The following CDC23 variants were observed in gnomAD, a reference collection of about 807,000 sequenced individuals.
CDC23 encodes cell division cycle protein 23 homolog.
Under a neutral mutation model 81.7 loss-of-function variants are expected in CDC23, and 26 were observed. That is an observed-to-expected ratio of 0.32 (90% confidence interval 0.23 to 0.44). The LOEUF (loss-of-function observed/expected upper bound fraction) is 0.44, where lower values mean the gene tolerates loss of function less well. Ranked by LOEUF, CDC23 falls within the 20% of genes least tolerant of loss-of-function variation. CDC23 has a pLI of 1.00. For synonymous variants in CDC23, 267 were observed against 270.8 expected, an observed-to-expected ratio of 0.99 and a Z score of 0.14; for missense variants, 519 against 728.0, an observed-to-expected ratio of 0.71 and a Z score of 3.30.
At chr5:138,207,842 A>G (rs1755069810) in intron 2 of CDC23, among the ~76,000 whole-genome samples, 1 of 151,968 alleles carries the variant, frequency 6.6e-6, no homozygotes, top group Non-Finnish European at 1.5e-5. Flanking sequence ...CGGGGGTCCC[A>G]GCTACTCGGG....
intron 13 of CDC23, 100 bp downstream of exon 13, chr5:138,191,374 T>C: frequency 1.0e-6 from 1 of 965,720 alleles, no homozygotes; most frequent in Non-Finnish European, 1.7e-6. Flanking sequence ...CCTACACCTA[T>C]GTAGAATGAT....
At chr5:138,206,729 C>G in intron 2 of CDC23, 45 bp from the exon 3 acceptor site, 2 of 1,534,946 alleles carry the variant, frequency 1.3e-6, no homozygotes, top group Non-Finnish European at 1.8e-6. Flanking sequence ...AATAGGACAA[C>G]AAAACTTCAA....
chr5:138,195,747 G>GTA lies in CDC23; in HGVS notation c.1012+2450_1012+2451dup, dbSNP rs1172871661. Among the ~76,000 whole-genome samples the GTA allele has an allele frequency of 7.6e-3, 810 of 106,758 alleles. 3 individuals carry two copies. Among genetic ancestry groups the GTA allele is most frequent in the Non-Finnish European group, 0.012 (650 of 55,308 alleles). The allele number at this position is 106,758 out of a possible 152,430, so 70.0% of individuals were successfully genotyped here. A position where few individuals can be genotyped will look rare whatever the true frequency, so the allele number is the denominator to read the frequency against. On this transcript the variant is annotated intron_variant, in intron 9 of 15. Transcript: ENST00000394886. ...GTATATATATACATATAATATATAT[G>GTA]TATATATATACATATATTATATATG...
intron 3 of CDC23, among the ~76,000 whole-genome samples, chr5:138,203,202 G>A (rs950351224): frequency 6.6e-6 from 1 of 152,174 alleles, no homozygotes; most frequent in African/African-American, 2.4e-5. Flanking sequence ...AAAGGGAAAA[G>A]AAGTCAAACC....
At chr5:138,199,337 C>T (rs570681457) in intron 6 of CDC23, among the ~76,000 whole-genome samples, 18 of 152,248 alleles carry the variant, frequency 1.2e-4, no homozygotes, top group Non-Finnish European at 1.8e-4. Flanking sequence ...ATGGCTCAAG[C>T]CTGCAACCCC....
intron 9 of CDC23, among the ~76,000 whole-genome samples, chr5:138,195,715 T>C (rs987904968): frequency 1.6e-5 from 1 of 64,066 alleles, no homozygotes; most frequent in Non-Finnish European, 3.3e-5. Context: ...ATACATATAA[T>C]ATATATGTAT....
intron 2 of CDC23, among the ~76,000 whole-genome samples, chr5:138,211,408 T>C (rs1755112021): frequency 6.6e-6 from 1 of 152,038 alleles, no homozygotes; most frequent in Admixed American, 6.6e-5. Context: ...TCTGGCCAGG[T>C]CCCAGCACTT....
intron 2 of CDC23, among the ~76,000 whole-genome samples, chr5:138,208,765 A>C (rs994178552): frequency 2.0e-5 from 3 of 152,164 alleles, no homozygotes; most frequent in Non-Finnish European, 1.5e-5. Flanking sequence ...ATTACATGTA[A>C]TTTAGAGGCA....
intron 9 of CDC23, among the ~76,000 whole-genome samples, chr5:138,195,622 A>T (rs1490466833): frequency 1.7e-5 from 2 of 117,428 alleles, no homozygotes; most frequent in African/African-American, 3.3e-5. Flanking sequence ...TTTATATATA[A>T]ATATAAATAT....
chr5:138,206,878 C>CTTTTT (rs905919467), intron 2 of CDC23, among the ~76,000 whole-genome samples, 194 bp from the exon 3 acceptor site: 1 of 131,040 alleles, frequency 7.6e-6, no homozygotes. Context: ...CCATAGAACT[C>CTTTTT]TTTTTTTTTT....
rs531929508 is a variant in CDC23, at chr5:138,205,120, G to A, written c.372+1427C>T. On this transcript the variant is annotated intron_variant, in intron 3 of 15. Transcript: ENST00000394886. Reference sequence around the variant, plus strand: ...TGTAGAGACGGGGTTTCACCATGCCGCCCGGGCTTCCTTTTATATTTTATA... The same window carrying A: ...TGTAGAGACGGGGTTTCACCATGCCACCCGGGCTTCCTTTTATATTTTATA... Among the ~76,000 whole-genome samples, 10 of 152,070 alleles carry A rather than the reference G, an allele frequency of 6.6e-5. No individual in the cohort carries two copies. In the South Asian group the frequency reaches 1.5e-3, roughly 22 times the overall value.
At chr5:138,211,566 G>C (rs1755113639) in intron 2 of CDC23, among the ~76,000 whole-genome samples, 1 of 152,036 alleles carries the variant, frequency 6.6e-6, no homozygotes, top group South Asian at 2.1e-4. Flanking sequence ...GGGAGGTTGA[G>C]GCAGGAGAAT....
chr5:138,201,144 C>A lies in CDC23; in HGVS notation c.617G>T (p.Trp206Leu). ...THVLPLHWGAWLELCNLITDK... is the reference protein window; with the variant it reads ...THVLPLHWGALLELCNLITDK... Reference sequence around the variant, plus strand: ...TGTGATCAGGTTACAGAGTTCTAACCAGGCTCCCCAATGCAAGGGCAAAAC... The same window carrying A: ...TGTGATCAGGTTACAGAGTTCTAACAAGGCTCCCCAATGCAAGGGCAAAAC... The change falls in exon 6 of 16, where the codon TGG becomes TTG. Residue 206 changes from tryptophan (W) to leucine (L), a missense_variant. By Grantham distance (61) the Trp-to-Leu change is moderately conservative (BLOSUM62 -2). Coordinates refer to ENST00000394886, the MANE Select transcript of CDC23 (RefSeq NM_004661.4). 6.2e-7 allele frequency: 1 copy of A among 1,614,148 alleles called. No homozygotes were observed.
chr5:138,209,245 G>A (rs1755086362), intron 2 of CDC23, among the ~76,000 whole-genome samples: 1 of 151,570 alleles, frequency 6.6e-6, no homozygotes, highest in African/African-American at 2.4e-5. Context: ...TAGCCAACAT[G>A]GTGAAACCCC....
chr5:138,204,590 A>C (rs145230854), intron 3 of CDC23, among the ~76,000 whole-genome samples: 1 of 151,832 alleles, frequency 6.6e-6, no homozygotes, highest in African/African-American at 2.4e-5. Flanking sequence ...TTCAAATAAA[A>C]GGTTAAAAAG....
At position 138,188,932 on chromosome 5, in the gene CDC23, C is replaced by A. The variant is rs1278679019; in HGVS notation, c.*46G>T. ...TGCTGTTCTTTACATGGAGGTAAGGCTTAATTAAGATGGGTCTAACAATGT... is the reference window on the plus strand; with the variant it reads ...TGCTGTTCTTTACATGGAGGTAAGGATTAATTAAGATGGGTCTAACAATGT... On this transcript the variant is annotated 3_prime_UTR_variant, in exon 16 of 16. Coordinates refer to ENST00000394886, the MANE Select transcript of CDC23 (RefSeq NM_004661.4). 1 of 1,584,638 alleles carries A rather than the reference C, an allele frequency of 6.3e-7. No homozygotes were observed. The highest frequency in any genetic ancestry group is 8.6e-7 in the Non-Finnish European group (1 of 1,161,766).
intron 9 of CDC23, among the ~76,000 whole-genome samples, chr5:138,197,403 T>A (rs1187671375): frequency 2.0e-5 from 3 of 150,504 alleles, no homozygotes; most frequent in African/African-American, 5.0e-5. Flanking sequence ...AGATATATCA[T>A]TAAGTTAAAA....
chr5:138,206,188 A>C (rs1464728180), intron 3 of CDC23: 3 of 331,140 alleles, frequency 9.1e-6, no homozygotes, highest in African/African-American at 6.4e-5. Flanking sequence ...GCCATGAAAG[A>C]AAAACAATAA....
At chr5:138,189,262 GTTT>G in intron 15 of CDC23, 114 bp from the exon 16 acceptor site, 2 of 740,226 alleles carry the variant, frequency 2.7e-6, no homozygotes, top group Non-Finnish European at 2.0e-6. Flanking sequence ...AGGCTTGCTT[GTTT>G]TTTTTTTTTG....
Sources: allele counts gnomAD v4.1 joint callset (sites outside exome capture counted in the v4.1 genomes callset), GRCh38; gene constraint gnomAD v4.1.1; transcripts MANE v1.5; gene names NCBI Gene and HGNC (gene_info 2026-07-23, HGNC 2026-07-21).